CCND3: variants seen among roughly 807,000 people sequenced by gnomAD.
CCND3 encodes G1/S-specific cyclin-D3.
Under a neutral mutation model 28.7 loss-of-function variants are expected in CCND3, and 9 were observed. The observed-to-expected ratio is 0.31, with a 90% CI of 0.19 to 0.55. CCND3 has a LOEUF of 0.55. Ranked by LOEUF, CCND3 falls within the 20% of genes least tolerant of loss-of-function variation. The probability of loss-of-function intolerance (pLI) is 0.93; values close to 1 mark genes in which losing one functional copy is unlikely to be tolerated. For missense variants in CCND3, 315 were observed against 385.8 expected, an observed-to-expected ratio of 0.82 and a Z score of 1.54; for synonymous variants, 164 against 163.9, an observed-to-expected ratio of 1.00 and a Z score of 0.00.
intron 1 of CCND3, among the ~76,000 whole-genome samples, chr6:42,037,319 C>A (rs1021218300): frequency 4.7e-5 from 7 of 149,556 alleles, no homozygotes; most frequent in African/African-American, 1.7e-4. Context: ...CTCACTGCAA[C>A]CTCTGACTCC....
chr6:41,994,205 A>G (rs1218729492), intron 1 of CCND3, among the ~76,000 whole-genome samples: 1 of 151,932 alleles, frequency 6.6e-6, no homozygotes, highest in Non-Finnish European at 1.5e-5. Flanking sequence ...AGTTGCCTAC[A>G]GAATTCAGTA....
chr6:42,001,806 A>T (rs4714539), intron 1 of CCND3, among the ~76,000 whole-genome samples: 1 of 152,122 alleles, frequency 6.6e-6, no homozygotes, highest in Non-Finnish European at 1.5e-5. Context: ...CATGGATGTG[A>T]ATGTTTACAT....
At chr6:42,041,308 G>A (rs1196070554) in intron 1 of CCND3, among the ~76,000 whole-genome samples, 1 of 152,208 alleles carries the variant, frequency 6.6e-6, no homozygotes, top group Non-Finnish European at 1.5e-5. Context: ...CGGAGATCAA[G>A]GGATATGAGA....
In CCND3 at chr6:41,939,644, C is replaced by G. The variant is rs908155188; in HGVS notation, c.414+726G>C. Among the ~76,000 whole-genome samples, 1 of 152,078 alleles carries G rather than the reference C, an allele frequency of 6.6e-6. No individual in the cohort carries two copies. The highest frequency in any genetic ancestry group is 1.5e-5 in the Non-Finnish European group (1 of 68,018). ...AGAGGGCGGGCCAGGGGAGGGGGCA[C>G]CATTATCACATCGGAAGCAGATGCA... On this transcript the variant is annotated intron_variant, in intron 2 of 4. Coordinates refer to ENST00000372991, the MANE Select transcript of CCND3 (RefSeq NM_001760.5). This position sits in a 1 kb window ranked among gnomAD's most constrained non-coding sequence, Gnocchi z 4.2.
At chr6:42,007,763 C>T (rs1763217965) in intron 1 of CCND3, among the ~76,000 whole-genome samples, 1 of 152,208 alleles carries the variant, frequency 6.6e-6, no homozygotes, top group Admixed American at 6.5e-5. Flanking sequence ...TCGAGAGCAG[C>T]TCACGGATGC....
chr6:42,047,029 A>G (rs139751635), intron 1 of CCND3, among the ~76,000 whole-genome samples: 16 of 152,302 alleles, frequency 1.1e-4, no homozygotes, highest in African/African-American at 2.6e-4. Flanking sequence ...TGCCTACCTC[A>G]TAGGACTATA....
In CCND3 at chr6:41,938,720, G is replaced by C. The variant is rs1035209265; in HGVS notation, c.415-1326C>G. The stretch of plus-strand genomic sequence containing the variant: ...GAGTGCTTAGCTTCAGTAGGTGGCA[G>C]CGGCCATCACATTCCTGACTTTTAA... On this transcript the variant is annotated intron_variant, in intron 2 of 4. Coordinates refer to ENST00000372991, the MANE Select transcript of CCND3 (RefSeq NM_001760.5). The surrounding 1 kb of genome is among the most constrained non-coding windows in gnomAD (Gnocchi z 4.6). Among the ~76,000 whole-genome samples, 1 of 152,192 alleles carries C rather than the reference G, an allele frequency of 6.6e-6. No homozygotes were observed. The highest frequency in any genetic ancestry group is 1.5e-5 in the Non-Finnish European group (1 of 68,028).
intron 1 of CCND3, among the ~76,000 whole-genome samples, chr6:42,014,656 G>A (rs1032969825): frequency 2.0e-5 from 3 of 152,164 alleles, no homozygotes; most frequent in Non-Finnish European, 4.4e-5. Flanking sequence ...TGGGCATGGT[G>A]GCTTATGCCT....
intron 1 of CCND3, among the ~76,000 whole-genome samples, chr6:42,026,864 A>T (rs894222291): frequency 6.6e-6 from 1 of 152,122 alleles, no homozygotes; most frequent in Admixed American, 6.5e-5. Flanking sequence ...GCCATCTCCC[A>T]CACGCAAGGG....
At chr6:42,049,576 C>T (rs1247497394), upstream of CCND3, 1 of 152,256 alleles carries the variant, frequency 6.6e-6, no homozygotes, top group Non-Finnish European at 1.5e-5. Context: ...AGGGAGAAAA[C>T]CACTGGTAGC....
rs532986959 is a variant in CCND3, at chr6:42,004,893, AAC to A, written c.-46+43606_-46+43607del. 3.4e-3 allele frequency among the ~76,000 whole-genome samples: 517 copies of A among 152,332 alleles called. 1 individual carries two copies. The highest frequency in any genetic ancestry group is 5.5e-3 in the Admixed American group (84 of 15,292). On this transcript the variant is annotated intron_variant, in intron 1 of 4. Coordinates refer to the CCND3 transcript ENST00000372988. ...TATGGTCTATTTATCTATAGTCATA[AAC>A]ACAAATTAAATCAGTAATTTAAAAT...
chr6:41,961,950 G>C (rs1421409653), intron 1 of CCND3, among the ~76,000 whole-genome samples: 2 of 152,074 alleles, frequency 1.3e-5, no homozygotes, highest in African/African-American at 2.4e-5. Flanking sequence ...CTGTAAGCAG[G>C]ACCTGTCATC....
chr6:41,949,855 G>T (rs1357366136), intron 1 of CCND3, among the ~76,000 whole-genome samples: 3 of 151,918 alleles, frequency 2.0e-5, no homozygotes, highest in African/African-American at 7.3e-5. Context: ...AGCACTTTGG[G>T]AGGCCGAGGC....
chr6:42,009,120 C>T (rs1385524388), intron 1 of CCND3, among the ~76,000 whole-genome samples: 2 of 152,152 alleles, frequency 1.3e-5, no homozygotes, highest in African/African-American at 4.8e-5. Flanking sequence ...ACTGGGGGCT[C>T]AACTTCCTTG....
At chr6:41,999,028 G>T (rs1287536473) in intron 1 of CCND3, among the ~76,000 whole-genome samples, 2 of 151,958 alleles carry the variant, frequency 1.3e-5, no homozygotes, top group Admixed American at 6.6e-5. Flanking sequence ...ACCCAGAGAG[G>T]TATTACTATC....
chr6:42,021,764 G>T (rs1763720011), intron 1 of CCND3, among the ~76,000 whole-genome samples: 1 of 152,208 alleles, frequency 6.6e-6, no homozygotes, highest in Non-Finnish European at 1.5e-5. Context: ...CTAGCTAGCA[G>T]GGAGAGGGTT....
intron 1 of CCND3, among the ~76,000 whole-genome samples, chr6:42,044,793 T>TTATTTA (rs1029071250): frequency 6.6e-6 from 1 of 150,572 alleles, no homozygotes; most frequent in African/African-American, 2.4e-5. Flanking sequence ...TTTTATTTAT[T>TTATTTA]TATTTATTTA....
At chr6:42,013,113 A>G (rs1216858494) in intron 1 of CCND3, among the ~76,000 whole-genome samples, 1 of 152,152 alleles carries the variant, frequency 6.6e-6, no homozygotes, top group South Asian at 2.1e-4. Flanking sequence ...CCTTTCCTAA[A>G]TAAGTTCCAG....
At chr6:41,964,679 G>T (rs1761836056) in intron 1 of CCND3, among the ~76,000 whole-genome samples, 1 of 152,174 alleles carries the variant, frequency 6.6e-6, no homozygotes, top group Non-Finnish European at 1.5e-5. Flanking sequence ...CAGGTTGGGT[G>T]CATGACAGCA....
Sources: allele counts gnomAD v4.1 joint callset (sites outside exome capture counted in the v4.1 genomes callset), GRCh38; gene constraint gnomAD v4.1.1; non-coding constraint Gnocchi (gnomAD v3.1); transcripts MANE v1.5; gene names NCBI Gene and HGNC (gene_info 2026-07-23, HGNC 2026-07-21).